PCBP3: variants seen among roughly 807,000 people sequenced by gnomAD.
The protein encoded by PCBP3 is poly(rC) binding protein 3.
In PCBP3, 25 loss-of-function variants were observed where a neutral mutation model predicts 52.7. That is an observed-to-expected ratio of 0.47 (90% CI 0.35 to 0.66). The LOEUF (loss-of-function observed/expected upper bound fraction) is 0.66, where lower values mean the gene tolerates loss of function less well. Ranked by LOEUF, PCBP3 falls within the 30% of genes least tolerant of loss-of-function variation. PCBP3 has a pLI of 0.01. For synonymous variants in PCBP3, 162 were observed against 183.0 expected (o/e 0.89, Z 0.93); for missense variants, 391 against 490.3 (o/e 0.80, Z 1.91).
rs909653445 is a variant in PCBP3 at position 45,741,624 on chromosome 21, G to T, written c.-162+6195G>T. Among the ~76,000 whole-genome samples, 1 of 152,066 alleles carries T rather than the reference G, an allele frequency of 6.6e-6. No individual in the cohort carries two copies. Among genetic ancestry groups the T allele is most frequent in the South Asian group, 2.1e-4 (1 of 4,826 alleles). On this transcript the variant is annotated intron_variant, in intron 3 of 17. Coordinates refer to ENST00000681687, the MANE Select transcript of PCBP3 (RefSeq NM_001384156.1). The surrounding 1 kb of genome is among the most constrained non-coding windows in gnomAD (Gnocchi z 4.5). ...GCCACTGCTTTTCATAAGCTTTATC[G>T]AATTATTTGCTTTTAAAAACTGTGT...
chr21:45,893,198 G>A (rs1291223520), intron 5 of PCBP3, among the ~76,000 whole-genome samples: 1 of 151,918 alleles, frequency 6.6e-6, no homozygotes, highest in Non-Finnish European at 1.5e-5. Flanking sequence ...GAGAGAATGG[G>A]ATGTGGAGAG....
chr21:45,768,392 C>G (rs1305340968), intron 4 of PCBP3, among the ~76,000 whole-genome samples: 3 of 152,214 alleles, frequency 2.0e-5, no homozygotes, highest in Admixed American at 1.3e-4. Flanking sequence ...GAAGGCGTTT[C>G]TGTTGCTCAG....
chr21:45,888,509 G>A (rs1430356720), intron 5 of PCBP3, among the ~76,000 whole-genome samples: 3 of 152,156 alleles, frequency 2.0e-5, no homozygotes, highest in Non-Finnish European at 2.9e-5. Context: ...TCTCCCAGCC[G>A]GGGCCACCCA....
At chr21:45,778,145 A>C (rs1236876560) in intron 4 of PCBP3, among the ~76,000 whole-genome samples, 4 of 152,172 alleles carry the variant, frequency 2.6e-5, no homozygotes, top group South Asian at 2.1e-4. Flanking sequence ...TTCTGGGTGC[A>C]TGCAGTAGTG....
At chr21:45,660,925 C>A (rs933045269) in intron 1 of PCBP3, among the ~76,000 whole-genome samples, 5 of 152,038 alleles carry the variant, frequency 3.3e-5, no homozygotes, top group African/African-American at 1.2e-4. Flanking sequence ...CCTGTAATTG[C>A]AGCTACTAGG....
intron 2 of PCBP3, among the ~76,000 whole-genome samples, chr21:45,728,269 C>T (rs1240883485): frequency 2.0e-5 from 3 of 152,126 alleles, no homozygotes; most frequent in Non-Finnish European, 4.4e-5. Context: ...TCCTTAAATT[C>T]CCAGGTTGCT....
intron 2 of PCBP3, among the ~76,000 whole-genome samples, chr21:45,711,819 T>G (rs1246365993): frequency 6.6e-6 from 1 of 152,244 alleles, no homozygotes; most frequent in East Asian, 1.9e-4. Context: ...GTTTAATTTT[T>G]GTGTTGTAAA....
intron 15 of PCBP3, among the ~76,000 whole-genome samples, chr21:45,933,302 C>T (rs2839064): frequency 2.6e-5 from 4 of 152,040 alleles, no homozygotes; most frequent in Non-Finnish European, 5.9e-5. Flanking sequence ...TGGGCCTTGC[C>T]GTCCTGAGAT....
chr21:45,836,057 C>T (rs1211911940), intron 4 of PCBP3, among the ~76,000 whole-genome samples: 1 of 152,136 alleles, frequency 6.6e-6, no homozygotes, highest in East Asian at 1.9e-4. Context: ...CCCGAGATGA[C>T]AAGGAGTCCA....
intron 11 of PCBP3, among the ~76,000 whole-genome samples, chr21:45,912,510 G>A (rs1365534078): frequency 6.6e-6 from 1 of 152,158 alleles, no homozygotes; most frequent in East Asian, 1.9e-4. Context: ...CGGAGGAAAG[G>A]GCTGCCCAGG....
chr21:45,802,457 C>T lies in PCBP3; in HGVS notation c.-126+47005C>T, dbSNP rs551209673. On this transcript the variant is annotated intron_variant, in intron 4 of 17. Transcript: ENST00000681687. The surrounding 1 kb of genome is among the most constrained non-coding windows in gnomAD (Gnocchi z 5.1). ...CTGAGTGCCTACGTTGTCCTGTGCC[C>T]GGGCTGCCCAAGGTGGTGTGAGTGT... Among the ~76,000 whole-genome samples the T allele has an allele frequency of 2.6e-5, 4 of 152,292 alleles. No individual in the cohort carries two copies. The highest frequency in any genetic ancestry group is 3.9e-4 in the East Asian group (2 of 5,184).
chr21:45,818,774 T>G (rs1328098791), intron 4 of PCBP3, among the ~76,000 whole-genome samples: 1 of 152,204 alleles, frequency 6.6e-6, no homozygotes, highest in Non-Finnish European at 1.5e-5. Flanking sequence ...CATCCTTTAG[T>G]AGGCAAATGA....
rs138463049 is a variant in PCBP3 at position 45,864,036 on chromosome 21, C to G, written c.10+13941C>G. On this transcript the variant is annotated intron_variant, in intron 5 of 17. Coordinates refer to ENST00000681687, the MANE Select transcript of PCBP3 (RefSeq NM_001384156.1). ...AGGACCCATAGCAAGTGTCAATAATCTTCTTTACTAGTCGAGTGTTATTAT... is the reference window on the plus strand; with the variant it reads ...AGGACCCATAGCAAGTGTCAATAATGTTCTTTACTAGTCGAGTGTTATTAT... Among the ~76,000 whole-genome samples, 302 of 152,314 alleles carry G rather than the reference C, an allele frequency of 2.0e-3. 3 individuals carry two copies. The highest frequency in any genetic ancestry group is 6.9e-3 in the African/African-American group (288 of 41,564).
intron 12 of PCBP3, chr21:45,914,483 A>G: frequency 3.8e-6 from 1 of 261,400 alleles, no homozygotes; most frequent in Non-Finnish European, 7.2e-6. Flanking sequence ...TGCACTGAGG[A>G]AGGATGCATG....
rs2091940102 is a variant in PCBP3 at position 45,796,773 on chromosome 21, A to T, written c.-126+41321A>T. Among the ~76,000 whole-genome samples, 2 of 152,130 alleles carry T rather than the reference A, an allele frequency of 1.3e-5. 1 individual carries two copies. Among genetic ancestry groups the T allele is most frequent in the South Asian group, 4.1e-4 (2 of 4,828 alleles). On this transcript the variant is annotated intron_variant, in intron 4 of 17. Transcript: ENST00000681687. ...TTTATGGTGTGTTTATTGTCAGTAA[A>T]GATGTTATTTAGTTTCTTATTTTCT...
chr21:45,869,873 C>T (rs1202805032), intron 5 of PCBP3, among the ~76,000 whole-genome samples: 2 of 152,250 alleles, frequency 1.3e-5, no homozygotes, highest in South Asian at 2.1e-4. Context: ...GTGCTGTGGC[C>T]GCACTGGGGT....
intron 4 of PCBP3, among the ~76,000 whole-genome samples, chr21:45,847,346 G>A (rs1043672471): frequency 1.3e-5 from 2 of 151,700 alleles, no homozygotes; most frequent in African/African-American, 2.4e-5. Context: ...TTTTACTTTT[G>A]CAGAACAGCA....
intron 2 of PCBP3, among the ~76,000 whole-genome samples, chr21:45,679,671 G>A (rs764919026): frequency 2.0e-5 from 3 of 152,134 alleles, no homozygotes; most frequent in Non-Finnish European, 2.9e-5. Context: ...CTCCCATCCT[G>A]TATCTGCTCT....
chr21:45,789,261 T>C (rs2091372915), intron 4 of PCBP3, among the ~76,000 whole-genome samples: 1 of 152,212 alleles, frequency 6.6e-6, no homozygotes, highest in Non-Finnish European at 1.5e-5. Flanking sequence ...GTGTGTGTGA[T>C]TGCATGTATG....
Sources: allele counts gnomAD v4.1 joint callset (sites outside exome capture counted in the v4.1 genomes callset), GRCh38; gene constraint gnomAD v4.1.1; non-coding constraint Gnocchi (gnomAD v3.1); transcripts MANE v1.5; gene names NCBI Gene and HGNC (gene_info 2026-07-23, HGNC 2026-07-21).